The following BCL2L14 variants were observed in gnomAD, a reference collection of about 807,000 sequenced individuals.
BCL2L14 encodes apoptosis facilitator Bcl-2-like protein 14.
Under a neutral mutation model 35.3 loss-of-function variants are expected in BCL2L14, and 27 were observed. The ratio of observed to expected loss-of-function variants is 0.76; its 90% confidence interval spans 0.56 to 1.05. The LOEUF (loss-of-function observed/expected upper bound fraction) is 1.05, where lower values mean the gene tolerates loss of function less well. BCL2L14 is among the 50% of genes least tolerant of loss of function. The pLI, the probability that BCL2L14 is intolerant of heterozygous loss-of-function variation, is 0.00. For synonymous variants in BCL2L14, 139 were observed against 145.9 expected, an observed-to-expected ratio of 0.95 and a Z score of 0.34; for missense variants, 377 against 382.6, an observed-to-expected ratio of 0.99 and a Z score of 0.12.
At chr12:12,062,576 T>C (rs1185761787) in intron 2 of BCL2L14, among the ~76,000 whole-genome samples, 3 of 151,814 alleles carry the variant, frequency 2.0e-5, no homozygotes, top group Non-Finnish European at 2.9e-5. Context: ...ACATCAAGCT[T>C]GAGGATTTAC....
chr12:12,053,071 G>A (rs1408052760), intron 2 of BCL2L14, among the ~76,000 whole-genome samples: 1 of 152,104 alleles, frequency 6.6e-6, no homozygotes, highest in Admixed American at 6.5e-5. Context: ...AATGATGATG[G>A]TACCACCAGC....
chr12:12,066,481 C>T (rs1005831461), upstream of BCL2L14, among the ~76,000 whole-genome samples: 3 of 152,132 alleles, frequency 2.0e-5, no homozygotes, highest in African/African-American at 7.2e-5. Context: ...AACTCTTAGG[C>T]ATTTTTATCT....
intron 2 of BCL2L14, among the ~76,000 whole-genome samples, chr12:12,056,073 G>A (rs1279017356): frequency 6.6e-6 from 1 of 151,490 alleles, no homozygotes; most frequent in Non-Finnish European, 1.5e-5. Context: ...AGAATCCCCT[G>A]ACTCCCAATG....
At chr12:12,091,113 G>T (rs540476458) in intron 4 of BCL2L14, among the ~76,000 whole-genome samples, 1 of 152,336 alleles carries the variant, frequency 6.6e-6, no homozygotes, top group Non-Finnish European at 1.5e-5. Context: ...TGCAAGAAAA[G>T]ACACCAGTAA....
At chr12:12,098,322 T>G (rs1949359132) in intron 5 of BCL2L14, among the ~76,000 whole-genome samples, 1 of 152,166 alleles carries the variant, frequency 6.6e-6, no homozygotes, top group Non-Finnish European at 1.5e-5. Context: ...ATTCCACATT[T>G]CATATGAGTA....
chr12:12,078,043 A>T (rs946116324), intron 1 of BCL2L14: 1 of 396,990 alleles, frequency 2.5e-6, no homozygotes, highest in Admixed American at 3.0e-5. Context: ...TCGTATGGAA[A>T]TAAAGAAGAA....
chr12:12,094,749 T>A lies in BCL2L14; in HGVS notation c.764T>A (p.Met255Lys), dbSNP rs1555095406. 2.5e-6 allele frequency: 4 copies of A among 1,614,240 alleles called. No individual in the cohort carries two copies. Among genetic ancestry groups the A allele is most frequent in the Non-Finnish European group, 3.4e-6 (4 of 1,180,040 alleles). The change falls in exon 5 of 6, where the codon ATG (methionine) becomes AAG (lysine). Residue 255 changes from methionine (M) to lysine (K), a missense_variant. Physicochemically the swap from Met to Lys is moderately conservative, Grantham distance 95. Coordinates refer to ENST00000308721, the MANE Select transcript of BCL2L14 (RefSeq NM_138723.2). ...AAGACCATCACAGACCAGGTCCTAA[T>A]GGGTGTGGACCCCAGGGGAGAATCA... The part of the protein sequence containing the change: ...VFKTITDQVL[M>K]GVDPRGESEV...
chr12:12,073,554 C>T (rs1246148415), intron 1 of BCL2L14, among the ~76,000 whole-genome samples: 4 of 152,080 alleles, frequency 2.6e-5, no homozygotes, highest in East Asian at 1.9e-4. Context: ...ATACTCCCCC[C>T]GCCACACACA....
chr12:12,090,655 A>G (rs1011593485), intron 3 of BCL2L14, 124 bp from the exon 4 acceptor site: 2 of 627,300 alleles, frequency 3.2e-6, no homozygotes, highest in South Asian at 5.2e-5. Context: ...ATAAAAAAAA[A>G]AAAAAGAATT....
At chr12:12,074,629 A>G (rs1314344425) in intron 1 of BCL2L14, among the ~76,000 whole-genome samples, 2 of 151,814 alleles carry the variant, frequency 1.3e-5, no homozygotes, top group Non-Finnish European at 2.9e-5. Flanking sequence ...AGTAGAGACA[A>G]AGTTTCACCA....
intron 2 of BCL2L14, among the ~76,000 whole-genome samples, chr12:12,054,187 T>A (rs1337841899): frequency 2.0e-5 from 3 of 152,126 alleles, no homozygotes; most frequent in Admixed American, 6.6e-5. Flanking sequence ...CCAAGTCTAG[T>A]GAAGTTAAGA....
intron 2 of BCL2L14, among the ~76,000 whole-genome samples, chr12:12,081,573 G>A (rs1286688020): frequency 6.9e-6 from 1 of 145,832 alleles, no homozygotes; most frequent in African/African-American, 2.5e-5. Flanking sequence ...TTTTTAAGGT[G>A]TTTTAGATGG....
At chr12:12,083,709 C>G (rs1292763512) in intron 2 of BCL2L14, among the ~76,000 whole-genome samples, 2 of 152,078 alleles carry the variant, frequency 1.3e-5, no homozygotes, top group African/African-American at 2.4e-5. Flanking sequence ...CTTTGGGAGT[C>G]TGAGGTGGGC....
chr12:12,057,712 G>T (rs113721183), intron 2 of BCL2L14, among the ~76,000 whole-genome samples: 8 of 145,406 alleles, frequency 5.5e-5, no homozygotes, highest in African/African-American at 1.8e-4. Context: ...AGCCGAGATC[G>T]CACCACTGCA....
intron 4 of BCL2L14, among the ~76,000 whole-genome samples, chr12:12,091,066 C>T (rs942739254): frequency 7.2e-5 from 11 of 152,174 alleles, no homozygotes; most frequent in Admixed American, 1.3e-4. Context: ...CTGGAGCCTC[C>T]TTGGAATTTT....
At chr12:12,053,702 A>C (rs1948391287) in intron 2 of BCL2L14, among the ~76,000 whole-genome samples, 1 of 152,236 alleles carries the variant, frequency 6.6e-6, no homozygotes, top group African/African-American at 2.4e-5. Context: ...GGCGTGAGCC[A>C]CCATGCCCAG....
chr12:12,068,415 T>C (rs1050152725), upstream of BCL2L14, among the ~76,000 whole-genome samples: 3 of 152,148 alleles, frequency 2.0e-5, no homozygotes, highest in African/African-American at 7.2e-5. Flanking sequence ...TTTTTGTTTT[T>C]GTTTTGAGAC....
intron 2 of BCL2L14, among the ~76,000 whole-genome samples, chr12:12,057,556 G>C (rs976203609): frequency 4.6e-5 from 7 of 152,064 alleles, no homozygotes; most frequent in Admixed American, 4.6e-4. Context: ...TCGGGAGTTC[G>C]AGACCAGCCT....
chr12:12,064,298 T>C (rs1326362303), intron 2 of BCL2L14, among the ~76,000 whole-genome samples: 1 of 102,988 alleles, frequency 9.7e-6, no homozygotes, highest in Admixed American at 1.1e-4. Context: ...TGGCTAATTT[T>C]TTTGATTTTT....
Sources: gnomAD v4.1 joint callset for allele counts (sites outside exome capture counted in the v4.1 genomes callset) on GRCh38, gnomAD v4.1.1 for gene constraint, MANE v1.5 for transcripts, NCBI Gene and HGNC (gene_info 2026-07-23, HGNC 2026-07-21) for gene names.